Variants in NELL1 observed in about 807,000 individuals in gnomAD.
The protein encoded by NELL1 is protein kinase C-binding protein NELL1.
A neutral mutation model predicts 107.4 loss-of-function variants in NELL1; 76 were observed. The observed-to-expected ratio is 0.71, with a 90% CI of 0.59 to 0.86. NELL1 has a LOEUF of 0.86. Among genes scored for constraint, NELL1 ranks in the 40% least tolerant of loss-of-function variants. NELL1 has a pLI of 0.00. For missense variants in NELL1, 1,024 were observed against 1,005.5 expected, an observed-to-expected ratio of 1.02 and a Z score of -0.25; for synonymous variants, 353 against 341.2, an observed-to-expected ratio of 1.03 and a Z score of -0.38.
At chr11:21,525,470 C>T (rs991804610) in intron 15 of NELL1, among the ~76,000 whole-genome samples, 6 of 152,090 alleles carry the variant, frequency 3.9e-5, no homozygotes, top group Admixed American at 2.0e-4. Flanking sequence ...ATGAAGAACC[C>T]GAGGTACAAA....
At chr11:20,963,957 C>A (rs878874776) in intron 12 of NELL1, among the ~76,000 whole-genome samples, 1 of 152,120 alleles carries the variant, frequency 6.6e-6, no homozygotes, top group Admixed American at 6.6e-5. Flanking sequence ...ATATTGGCTC[C>A]TGCTCTGTAG....
At chr11:21,197,705 A>G (rs1333124354) in intron 13 of NELL1, among the ~76,000 whole-genome samples, 1 of 152,166 alleles carries the variant, frequency 6.6e-6, no homozygotes, top group African/African-American at 2.4e-5. Context: ...GAGGCAACTG[A>G]TAAATAGTGA....
chr11:21,491,615 T>C (rs2133916974), intron 15 of NELL1, among the ~76,000 whole-genome samples: 1 of 152,272 alleles, frequency 6.6e-6, no homozygotes, highest in South Asian at 2.1e-4. Context: ...GTAGTATAGT[T>C]TGAAGTCAGG....
intron 15 of NELL1, among the ~76,000 whole-genome samples, chr11:21,376,564 A>AT (rs1415673167): frequency 6.6e-6 from 1 of 151,826 alleles, no homozygotes; most frequent in African/African-American, 2.4e-5. Flanking sequence ...ATTTTAGAAT[A>AT]TTTTTTTCTG....
chr11:20,715,297 G>GT (rs1042043102), intron 2 of NELL1, among the ~76,000 whole-genome samples: 4 of 12,890 alleles, frequency 3.1e-4, no homozygotes, highest in African/African-American at 4.6e-4. Context: ...TTTGAGCTGG[G>GT]TTTTTGTTTT....
intron 15 of NELL1, among the ~76,000 whole-genome samples, chr11:21,471,995 G>C (rs1854194871): frequency 6.6e-6 from 1 of 152,010 alleles, no homozygotes; most frequent in African/African-American, 2.4e-5. Context: ...ATTTTAGCCT[G>C]TTTCTGAAGA....
At chr11:21,301,763 G>C (rs954317996) in intron 14 of NELL1, among the ~76,000 whole-genome samples, 1 of 151,938 alleles carries the variant, frequency 6.6e-6, no homozygotes, top group South Asian at 2.1e-4. Context: ...GATCCCATTT[G>C]TCAAATTTTG....
At chr11:21,304,892 AT>A in intron 14 of NELL1, among the ~76,000 whole-genome samples, 1 of 152,006 alleles carries the variant, frequency 6.6e-6, no homozygotes, top group Non-Finnish European at 1.5e-5. Flanking sequence ...GGAGGAGAAG[AT>A]AGGAAGTAAG....
intron 2 of NELL1, among the ~76,000 whole-genome samples, chr11:20,727,779 T>C (rs1388845277): frequency 6.6e-6 from 1 of 152,124 alleles, no homozygotes; most frequent in East Asian, 1.9e-4. Context: ...TTGTATAAGG[T>C]GTAAGGAAGG....
chr11:21,398,786 A>G (rs1001686315), intron 15 of NELL1, among the ~76,000 whole-genome samples: 4 of 151,720 alleles, frequency 2.6e-5, no homozygotes, highest in Non-Finnish European at 5.9e-5. Flanking sequence ...CTTCATATTA[A>G]TATCTTCCTG....
At chr11:20,969,361 C>T (rs1378634140) in intron 12 of NELL1, among the ~76,000 whole-genome samples, 2 of 152,160 alleles carry the variant, frequency 1.3e-5, no homozygotes, top group Non-Finnish European at 2.9e-5. Flanking sequence ...ATGGAACAAG[C>T]TTACACACAT....
chr11:21,360,917 T>A (rs900186956), intron 14 of NELL1, among the ~76,000 whole-genome samples: 19 of 152,296 alleles, frequency 1.2e-4, no homozygotes, highest in African/African-American at 2.6e-4. Context: ...ATTCTGCCAT[T>A]CTGCATCTTT....
chr11:21,332,178 T>C (rs548848299), intron 14 of NELL1, among the ~76,000 whole-genome samples: 1 of 152,158 alleles, frequency 6.6e-6, no homozygotes, highest in Admixed American at 6.6e-5. Flanking sequence ...TAATGCCCCA[T>C]TGGTTATTCT....
intron 3 of NELL1, among the ~76,000 whole-genome samples, chr11:20,840,439 T>C (rs1269999886): frequency 6.6e-6 from 1 of 152,170 alleles, no homozygotes; most frequent in Non-Finnish European, 1.5e-5. Context: ...TCTACCACTT[T>C]TGTGGCTTCA....
chr11:21,285,895 ATAACT>A (rs1849105278), intron 14 of NELL1, among the ~76,000 whole-genome samples: 1 of 152,246 alleles, frequency 6.6e-6, no homozygotes, highest in African/African-American at 2.4e-5. Context: ...ACAAACTAAA[ATAACT>A]TTATTGGTGC....
chr11:21,326,336 T>C (rs1417173334), intron 14 of NELL1, among the ~76,000 whole-genome samples: 1 of 151,760 alleles, frequency 6.6e-6, no homozygotes, highest in African/African-American at 2.4e-5. Context: ...TTGCGGTATT[T>C]CACTTAAACT....
At chr11:21,514,876 G>C (rs1590995972) in intron 15 of NELL1, among the ~76,000 whole-genome samples, 2 of 152,138 alleles carry the variant, frequency 1.3e-5, no homozygotes, top group African/African-American at 4.8e-5. Context: ...CAATGTATTT[G>C]TTCCTTTGCC....
intron 12 of NELL1, among the ~76,000 whole-genome samples, chr11:21,089,306 T>C (rs1854469417): frequency 1.3e-5 from 2 of 152,216 alleles, no homozygotes. Context: ...TGAAAAGCTT[T>C]TATGAAAACT....
At chr11:20,863,235 A>G (rs1359505235) in intron 4 of NELL1, among the ~76,000 whole-genome samples, 1 of 143,910 alleles carries the variant, frequency 6.9e-6, no homozygotes, top group Non-Finnish European at 1.5e-5. Flanking sequence ...GGCGCCCCCC[A>G]CCTCCCTCCC....
Sources: gnomAD v4.1 joint callset for allele counts (sites outside exome capture counted in the v4.1 genomes callset) on GRCh38, gnomAD v4.1.1 for gene constraint, MANE v1.5 for transcripts, NCBI Gene and HGNC (gene_info 2026-07-23, HGNC 2026-07-21) for gene names.